The following DIAPH2 variants were observed in gnomAD, a reference collection of about 807,000 sequenced individuals.
DIAPH2 encodes protein diaphanous homolog 2.
Under a neutral mutation model 92.7 loss-of-function variants are expected in DIAPH2, and 35 were observed. The observed-to-expected ratio is 0.38, with a 90% CI of 0.29 to 0.50. The LOEUF (loss-of-function observed/expected upper bound fraction) is 0.50, where lower values mean the gene tolerates loss of function less well. Ranked by LOEUF, DIAPH2 falls within the 20% of genes least tolerant of loss-of-function variation. The pLI is 0.94. For synonymous variants in DIAPH2, 301 were observed against 280.4 expected (o/e 1.07, Z -0.73); for missense variants, 701 against 819.5 (o/e 0.86, Z 1.77).
rs1293968815 is a variant in DIAPH2 at position 96,952,964 on chromosome X, A to G, written c.1614+3925A>G. 2.8e-5 allele frequency among the ~76,000 whole-genome samples: 3 copies of G among 108,507 alleles called. No individual in the cohort carries two copies. In the Admixed American group the frequency reaches 3.0e-4, roughly 11 times the overall value. The allele number at this position is 108,507 out of a possible 115,157, so 94.2% of individuals were successfully genotyped here. ...ATAGTGAGACCCCATCTTAAAAAAA[A>G]AAAAATTAGCCTGGGGTAGTGGTGC... is the stretch of plus-strand genomic sequence containing the variant. On this transcript the variant is annotated intron_variant, in intron 15 of 26. Coordinates refer to ENST00000324765, the MANE Select transcript of DIAPH2 (RefSeq NM_006729.5).
intron 22 of DIAPH2, among the ~76,000 whole-genome samples, chrX:97,179,416 A>C (rs752383035): frequency 9.1e-6 from 1 of 109,629 alleles, no homozygotes; most frequent in South Asian, 4.0e-4. Context: ...TGTGTCCATG[A>C]GTTCTCATTG....
At chrX:97,495,202 T>G (rs987497500) in intron 26 of DIAPH2, among the ~76,000 whole-genome samples, 1 of 112,121 alleles carries the variant, frequency 8.9e-6, no homozygotes, top group Non-Finnish European at 1.9e-5. Flanking sequence ...AGTAGAGTTT[T>G]TTCAGTTTTG....
chrX:97,271,255 T>G (rs1233472805), intron 23 of DIAPH2, among the ~76,000 whole-genome samples: 1 of 111,525 alleles, frequency 9.0e-6, no homozygotes, highest in Non-Finnish European at 1.9e-5. Context: ...GAGCAATAAA[T>G]ATTTTTGAAT....
In DIAPH2 at chrX:97,007,522, T is replaced by C. The variant is rs1404896554; in HGVS notation, c.2050+42315T>C. On this transcript the variant is annotated intron_variant, in intron 17 of 26. Coordinates refer to ENST00000324765, the MANE Select transcript of DIAPH2 (RefSeq NM_006729.5). ...CCTGTAAGGTTTCCACTGAGAAGTG[T>C]GCTGCCCGATTTATGGGAGCTCCAT... is the stretch of plus-strand genomic sequence containing the variant. Among the ~76,000 whole-genome samples, 4 of 110,730 alleles carry C rather than the reference T, an allele frequency of 3.6e-5. No homozygotes were observed. The South Asian group carries it at 1.6e-3, about 44-fold the overall frequency.
In DIAPH2 at chrX:96,883,676, G is replaced by A. The variant is rs578040232; in HGVS notation, c.587+1958G>A. ...ATTACAGGCGTGAGCCACTGCGCCCGGCCTGATGCTCCTAGTTTTAATGGT... is the reference window on the plus strand; with the variant it reads ...ATTACAGGCGTGAGCCACTGCGCCCAGCCTGATGCTCCTAGTTTTAATGGT... On this transcript the variant is annotated intron_variant, in intron 5 of 26. Coordinates refer to ENST00000324765, the MANE Select transcript of DIAPH2 (RefSeq NM_006729.5). Among the ~76,000 whole-genome samples, 8 of 110,833 alleles carry A rather than the reference G, an allele frequency of 7.2e-5. No homozygotes were observed. The South Asian group carries it at 2.7e-3, about 38-fold the overall frequency.
intron 1 of DIAPH2, among the ~76,000 whole-genome samples, chrX:96,731,166 C>T (rs1206502578): frequency 9.0e-6 from 1 of 111,097 alleles, no homozygotes; most frequent in Non-Finnish European, 1.9e-5. Context: ...TCAGTTACTT[C>T]GGGCCATCGG....
chrX:96,841,734 T>C (rs1215822362), intron 4 of DIAPH2, among the ~76,000 whole-genome samples: 4 of 112,165 alleles, frequency 3.6e-5, no homozygotes, highest in African/African-American at 1.3e-4. Context: ...AATTTCCCAA[T>C]GCACTGTAAA....
chrX:96,863,512 A>G (rs1002543835), intron 4 of DIAPH2, among the ~76,000 whole-genome samples: 2 of 110,907 alleles, frequency 1.8e-5, no homozygotes, highest in South Asian at 3.7e-4. Context: ...GAGAGTATGT[A>G]TCTAAAATCC....
At chrX:97,028,819 G>A (rs193285194) in intron 17 of DIAPH2, among the ~76,000 whole-genome samples, 144 of 111,672 alleles carry the variant, frequency 1.3e-3, no homozygotes, top group Admixed American at 4.8e-3. Flanking sequence ...GGCATGTATC[G>A]GTATATATCT....
intron 23 of DIAPH2, among the ~76,000 whole-genome samples, chrX:97,274,009 GTGTGT>G (rs1569347531): frequency 1.0e-2 from 92 of 9,207 alleles, no homozygotes; most frequent in African/African-American, 0.014. Flanking sequence ...AACTAGCGGT[GTGTGT>G]GTGTGTGTGT....
rs61350837 is a variant in DIAPH2 at position 97,095,098 on chromosome X, C to CTTTTT, written c.2248-4564_2248-4560dup. ...GACTTTTAGGGAAATGTTTCTTTTTCTTTTTTTTTTTTTTTTTTTTTTTTT... is the reference window on the plus strand; with the variant it reads ...GACTTTTAGGGAAATGTTTCTTTTTCTTTTTTTTTTTTTTTTTTTTTTTTTTTTTT... On this transcript the variant is annotated intron_variant, in intron 19 of 26. Transcript: ENST00000324765. 8.9e-4 allele frequency among the ~76,000 whole-genome samples: 20 copies of CTTTTT among 22,414 alleles called. 6 individuals carry two copies. The highest frequency in any genetic ancestry group is 3.7e-3 in the East Asian group (2 of 547). The allele number at this position is 22,414 out of a possible 115,157, so 19.5% of individuals were successfully genotyped here.
At chrX:96,872,493 CTTT>C (rs752843624) in intron 4 of DIAPH2, among the ~76,000 whole-genome samples, 2 of 95,437 alleles carry the variant, frequency 2.1e-5, no homozygotes, top group Admixed American at 1.2e-4. Flanking sequence ...TTTTCTTTTT[CTTT>C]TTTTTTTTTT....
chrX:96,763,965 C>G (rs899054089), intron 4 of DIAPH2, among the ~76,000 whole-genome samples: 20 of 102,505 alleles, frequency 2.0e-4, no homozygotes, highest in African/African-American at 7.3e-4. Context: ...CATTATCTTA[C>G]TCTTCTTTTT....
At chrX:97,275,279 C>A (rs7053407) in intron 23 of DIAPH2, among the ~76,000 whole-genome samples, 4 of 97,301 alleles carry the variant, frequency 4.1e-5, no homozygotes, top group Non-Finnish European at 6.3e-5. Context: ...GGCTGCCCCC[C>A]CAACCTCCCT....
At chrX:96,791,292 A>G (rs1337169763) in intron 4 of DIAPH2, among the ~76,000 whole-genome samples, 2 of 112,388 alleles carry the variant, frequency 1.8e-5, no homozygotes, top group Admixed American at 9.4e-5. Flanking sequence ...ATTAATTTCC[A>G]AAGAAAATAA....
intron 23 of DIAPH2, among the ~76,000 whole-genome samples, chrX:97,305,838 AAAAGAAAG>A (rs1556022334): frequency 1.9e-5 from 2 of 107,849 alleles, no homozygotes; most frequent in African/African-American, 6.8e-5. Context: ...AAAAAAAAAA[AAAAGAAAG>A]AAAGAAAGAA....
In DIAPH2 at chrX:97,373,231, T is replaced by G. The variant is rs765668227; in HGVS notation, c.3010-10678T>G. Among the ~76,000 whole-genome samples the G allele has an allele frequency of 9.0e-5, 10 of 111,113 alleles. No homozygotes were observed. In the East Asian group the frequency reaches 2.6e-3, roughly 29 times the overall value. On this transcript the variant is annotated intron_variant, in intron 24 of 26. Coordinates refer to ENST00000324765, the MANE Select transcript of DIAPH2 (RefSeq NM_006729.5). ...TTAAGAAAATAAATGTAGATGTCAG[T>G]GAACCATAACCTATAGATGATTAGA...
At position 96,942,084 on chromosome X, in the gene DIAPH2, T is replaced by A; in HGVS notation, c.1392T>A (p.Asp464Glu). Reference protein sequence around the residue: ...SQIVLHCSGMDPDFKYRQRLD... With the variant: ...SQIVLHCSGMEPDFKYRQRLD... The stretch of plus-strand genomic sequence containing the variant: ...TAGTGCTACACTGCAGTGGTATGGA[T>A]CCAGACTTCAAATACAGGCAAAGAT... Residue 464 changes from aspartate (D) to glutamate (E), a missense_variant, in exon 13 of 27, where the codon GAT becomes GAA. This residue lies in a region of DIAPH2 where 536 missense variants were observed against 599.3 expected (regional missense o/e 0.89). Transcript: ENST00000324765. 1.7e-6 allele frequency: 2 copies of A among 1,194,403 alleles called. No individual in the cohort carries two copies. Among genetic ancestry groups the A allele is most frequent in the Non-Finnish European group, 2.3e-6 (2 of 880,087 alleles).
In DIAPH2 at chrX:96,892,105, T is replaced by C. The variant is rs779074847; in HGVS notation, c.587+10387T>C. On this transcript the variant is annotated intron_variant, in intron 5 of 26. Transcript: ENST00000324765. ...TCTGAATTGTAGGTCTTAATAAGTA[T>C]TTAAACAACCTGTATTAAACTTATT... Among the ~76,000 whole-genome samples, 4 of 112,146 alleles carry C rather than the reference T, an allele frequency of 3.6e-5. No individual in the cohort carries two copies. The South Asian group carries it at 1.5e-3, about 41-fold the overall frequency.
Sources: allele counts gnomAD v4.1 joint callset (sites outside exome capture counted in the v4.1 genomes callset), GRCh38; gene constraint gnomAD v4.1.1; regional missense constraint gnomAD v4.1.1; transcripts MANE v1.5; gene names NCBI Gene and HGNC (gene_info 2026-07-23, HGNC 2026-07-21).